Variants in ATP8A2 observed in about 807,000 individuals in gnomAD.
ATP8A2 encodes the protein phospholipid-transporting ATPase IB.
In ATP8A2, 100 loss-of-function variants were observed where a neutral mutation model predicts 165.6. That is an observed-to-expected ratio of 0.60 (90% CI 0.51 to 0.71). ATP8A2 has a LOEUF of 0.71. Ranked by LOEUF, ATP8A2 falls within the 30% of genes least tolerant of loss-of-function variation. ATP8A2 has a pLI of 0.00. For synonymous variants in ATP8A2, 543 were observed against 548.8 expected (o/e 0.99, Z 0.15); for missense variants, 1,227 against 1,479.5 (o/e 0.83, Z 2.80).
intron 27 of ATP8A2, among the ~76,000 whole-genome samples, chr13:25,811,291 C>T (rs982916259): frequency 2.0e-5 from 3 of 151,964 alleles, no homozygotes; most frequent in African/African-American, 7.3e-5. Context: ...AAATATAATC[C>T]AAATGTCAAT....
chr13:25,783,744 G>C (rs1402693410), intron 27 of ATP8A2, among the ~76,000 whole-genome samples: 1 of 152,214 alleles, frequency 6.6e-6, no homozygotes, highest in South Asian at 2.1e-4. Flanking sequence ...TCCCATCCAT[G>C]TTCTCTGTCT....
intron 25 of ATP8A2, among the ~76,000 whole-genome samples, chr13:25,753,918 C>T (rs2044206963): frequency 6.6e-6 from 1 of 152,206 alleles, no homozygotes; most frequent in Admixed American, 6.5e-5. Flanking sequence ...AGCCAACATC[C>T]ATGTATGCTT....
At chr13:25,971,001 G>GGT (rs751675099) in intron 35 of ATP8A2, among the ~76,000 whole-genome samples, 7 of 151,904 alleles carry the variant, frequency 4.6e-5, no homozygotes, top group East Asian at 1.9e-4. Flanking sequence ...CATATGATGG[G>GGT]GTGTGTGTGT....
intron 2 of ATP8A2, among the ~76,000 whole-genome samples, chr13:25,519,168 C>G (rs1160532022): frequency 6.6e-6 from 1 of 152,170 alleles, no homozygotes; most frequent in Non-Finnish European, 1.5e-5. Flanking sequence ...CAAAGCTCTT[C>G]CCCTGTGCGT....
At chr13:25,597,379 G>A (rs1410214093) in intron 24 of ATP8A2, among the ~76,000 whole-genome samples, 1 of 152,194 alleles carries the variant, frequency 6.6e-6, no homozygotes, top group Non-Finnish European at 1.5e-5. Context: ...GTAATGGAAT[G>A]TCACTCCCTT....
At chr13:25,967,856 A>C (rs1014840374) in intron 34 of ATP8A2, among the ~76,000 whole-genome samples, 2 of 152,200 alleles carry the variant, frequency 1.3e-5, no homozygotes, top group African/African-American at 4.8e-5. Context: ...TAGTGTCCTC[A>C]GTAAAAGGGT....
chr13:25,429,133 C>T (rs1050830950), intron 1 of ATP8A2, among the ~76,000 whole-genome samples: 10 of 151,996 alleles, frequency 6.6e-5, no homozygotes, highest in Non-Finnish European at 1.2e-4. Flanking sequence ...TTTGGGAGGC[C>T]GAGGCGGTTG....
intron 27 of ATP8A2, among the ~76,000 whole-genome samples, chr13:25,820,480 A>G (rs1232667968): frequency 6.6e-6 from 1 of 152,198 alleles, no homozygotes; most frequent in Non-Finnish European, 1.5e-5. Flanking sequence ...TTTTCCCATT[A>G]GTCCAAGAGT....
intron 33 of ATP8A2, among the ~76,000 whole-genome samples, chr13:25,890,454 A>C: frequency 6.6e-6 from 1 of 152,214 alleles, no homozygotes; most frequent in East Asian, 1.9e-4. Flanking sequence ...TTCTAATGAA[A>C]TATATTGTAC....
At chr13:25,554,091 G>A (rs552926442) in intron 12 of ATP8A2, among the ~76,000 whole-genome samples, 171 bp downstream of exon 12, 1 of 152,270 alleles carries the variant, frequency 6.6e-6, no homozygotes, top group South Asian at 2.1e-4. Flanking sequence ...GTGTTTTTGG[G>A]GAATGGAAGG....
intron 35 of ATP8A2, among the ~76,000 whole-genome samples, chr13:25,972,625 G>A (rs371707336): frequency 2.5e-4 from 38 of 152,200 alleles, no homozygotes; most frequent in African/African-American, 8.2e-4. Flanking sequence ...GAACCCCCCC[G>A]CACCGCACAT....
intron 30 of ATP8A2, among the ~76,000 whole-genome samples, chr13:25,851,006 A>G (rs1386618249): frequency 2.0e-5 from 3 of 152,168 alleles, no homozygotes; most frequent in South Asian, 4.1e-4. Context: ...GAAGGATGCT[A>G]TCTTTTCAGA....
At chr13:25,854,895 C>A (rs920845673) in intron 30 of ATP8A2, among the ~76,000 whole-genome samples, 2 of 152,136 alleles carry the variant, frequency 1.3e-5, no homozygotes, top group Non-Finnish European at 2.9e-5. Context: ...AGTTGTACAG[C>A]CATCATCACA....
chr13:25,630,418 G>A (rs946573967), intron 24 of ATP8A2, among the ~76,000 whole-genome samples: 5 of 152,092 alleles, frequency 3.3e-5, no homozygotes, highest in South Asian at 4.2e-4. Flanking sequence ...TTTTCCATGC[G>A]ACAGCATTTA....
At chr13:25,564,530 T>A (rs2039255181) in intron 16 of ATP8A2, among the ~76,000 whole-genome samples, 1 of 152,194 alleles carries the variant, frequency 6.6e-6, no homozygotes, top group Admixed American at 6.5e-5. Context: ...ACAAGGAAGT[T>A]AAATAAAAGA....
chr13:25,470,956 G>T (rs1365234005), intron 2 of ATP8A2, among the ~76,000 whole-genome samples: 2 of 152,112 alleles, frequency 1.3e-5, no homozygotes, highest in Non-Finnish European at 2.9e-5. Flanking sequence ...CTGGGGCTGG[G>T]GAAGAGAGAA....
At chr13:25,992,645 T>C (rs928140406) in intron 35 of ATP8A2, among the ~76,000 whole-genome samples, 4 of 151,856 alleles carry the variant, frequency 2.6e-5, no homozygotes, top group Admixed American at 2.0e-4. Context: ...ATTTCAAAGA[T>C]ACTCTCCTAT....
intron 25 of ATP8A2, among the ~76,000 whole-genome samples, chr13:25,745,650 A>G (rs1448149318): frequency 6.6e-6 from 1 of 152,164 alleles, no homozygotes; most frequent in East Asian, 1.9e-4. Context: ...CAAGTGGAGT[A>G]AATATGAATT....
intron 33 of ATP8A2, among the ~76,000 whole-genome samples, chr13:25,932,059 A>AG (rs922831757): frequency 1.3e-5 from 2 of 151,510 alleles, no homozygotes; most frequent in Non-Finnish European, 2.9e-5. Flanking sequence ...AAAAAAAAAA[A>AG]AAAGAAAGAA....
Sources: allele counts gnomAD v4.1 joint callset (sites outside exome capture counted in the v4.1 genomes callset), GRCh38; gene constraint gnomAD v4.1.1; transcripts MANE v1.5; gene names NCBI Gene and HGNC (gene_info 2026-07-23, HGNC 2026-07-21).